The following FERMT2 variants were observed in gnomAD, a reference collection of about 807,000 sequenced individuals.
FERMT2 encodes fermitin family homolog 2.
In FERMT2, 15 loss-of-function variants were observed where a neutral mutation model predicts 82.7. That is an observed-to-expected ratio of 0.18 (90% CI 0.12 to 0.28). FERMT2 has a LOEUF of 0.28. Ranked by LOEUF, FERMT2 falls within the 10% of genes least tolerant of loss-of-function variation. The pLI is 1.00. For synonymous variants in FERMT2, 274 were observed against 271.5 expected, an observed-to-expected ratio of 1.01 and a Z score of -0.09; for missense variants, 645 against 809.4, an observed-to-expected ratio of 0.80 and a Z score of 2.46.
intron 4 of FERMT2, among the ~76,000 whole-genome samples, chr14:52,886,115 C>T (rs1042111242): frequency 2.0e-5 from 3 of 151,930 alleles, no homozygotes; most frequent in Non-Finnish European, 4.4e-5. Flanking sequence ...AATTATTCAA[C>T]TATCCTAGTA....
At chr14:52,875,094 A>G in intron 8 of FERMT2, 129 bp downstream of exon 8, 1 of 807,032 alleles carries the variant, frequency 1.2e-6, no homozygotes, top group South Asian at 2.0e-5. Flanking sequence ...AAAAATTAAC[A>G]TCTGATTTCT....
intron 2 of FERMT2, among the ~76,000 whole-genome samples, chr14:52,929,029 C>G (rs1165791901): frequency 2.0e-5 from 3 of 152,126 alleles, no homozygotes; most frequent in African/African-American, 7.2e-5. Flanking sequence ...GCAGCCCAAC[C>G]TTCTACTCAG....
At chr14:52,886,458 G>A (rs1886614806) in intron 4 of FERMT2, among the ~76,000 whole-genome samples, 4 of 152,106 alleles carry the variant, frequency 2.6e-5, no homozygotes. Context: ...AGCCTCCCAA[G>A]TAGCTAGGAC....
At chr14:52,895,104 A>G (rs1476922504) in intron 3 of FERMT2, among the ~76,000 whole-genome samples, 1 of 152,198 alleles carries the variant, frequency 6.6e-6, no homozygotes, top group African/African-American at 2.4e-5. Context: ...GCAGCACATG[A>G]AAAGATACTT....
chr14:52,915,081 A>T (rs917271924), intron 3 of FERMT2, among the ~76,000 whole-genome samples: 5 of 152,210 alleles, frequency 3.3e-5, no homozygotes, highest in Admixed American at 2.6e-4. Context: ...TCCAATTAGA[A>T]AAAGTATAAA....
Position 52,919,115 on chromosome 14 carries a change from A to G in FERMT2, c.391+8T>C. 1.9e-6 allele frequency: 3 copies of G among 1,575,348 alleles called. No homozygotes were observed. The highest frequency in any genetic ancestry group is 2.6e-6 in the Non-Finnish European group (3 of 1,145,872). On this transcript the variant is annotated splice_region_variant and intron_variant, in intron 3 of 14. Coordinates refer to ENST00000341590, the MANE Select transcript of FERMT2 (RefSeq NM_006832.3). ...TCGTATTTTAAGAAGAATTTATGTA[A>G]TACTTACTAAAAGTCTTACAGATGT...
intron 10 of FERMT2, among the ~76,000 whole-genome samples, chr14:52,868,224 T>TG (rs1341575094): frequency 6.6e-6 from 1 of 151,726 alleles, no homozygotes; most frequent in Non-Finnish European, 1.5e-5. Context: ...CATTTTTTTT[T>TG]TTTTTGAGAT....
At chr14:52,903,575 A>G (rs927166827) in intron 3 of FERMT2, among the ~76,000 whole-genome samples, 3 of 152,030 alleles carry the variant, frequency 2.0e-5, no homozygotes, top group Non-Finnish European at 4.4e-5. Context: ...AAAGAAAAAA[A>G]AAACACTACC....
chr14:52,864,915 C>A, intron 10 of FERMT2, 62 bp from the exon 11 acceptor site: 2 of 952,592 alleles, frequency 2.1e-6, no homozygotes, highest in Non-Finnish European at 3.3e-6. Flanking sequence ...CAAGTCAATA[C>A]AAGCAGCCCT....
intron 3 of FERMT2, among the ~76,000 whole-genome samples, chr14:52,918,889 TTAAATATCAGA>T: frequency 6.6e-6 from 1 of 152,320 alleles, no homozygotes; most frequent in Non-Finnish European, 1.5e-5. Context: ...AAATAAAGTA[TTAAATATCAGA>T]TACAATTCTA....
At chr14:52,870,378 T>C (rs945305221) in intron 10 of FERMT2, among the ~76,000 whole-genome samples, 1 of 151,898 alleles carries the variant, frequency 6.6e-6, no homozygotes, top group African/African-American at 2.4e-5. Context: ...GCCTCCTGAG[T>C]AGCTGGGATT....
intron 10 of FERMT2, among the ~76,000 whole-genome samples, chr14:52,872,510 G>C (rs1399246395): frequency 6.6e-6 from 1 of 152,010 alleles, no homozygotes; most frequent in African/African-American, 2.4e-5. Context: ...CTCCAGCCTG[G>C]GTGACAGAGC....
chr14:52,864,767 T>C lies in FERMT2; in HGVS notation c.1360A>G (p.Ile454Val). Residue 454 changes from isoleucine to valine, a missense_variant, in exon 11 of 15, where the codon ATC becomes GTC. Physicochemically the swap from Ile to Val is conservative, Grantham distance 29. Coordinates refer to ENST00000341590, the MANE Select transcript of FERMT2 (RefSeq NM_006832.3). ...CTTACATTGTCACAACGAAGCCAGA[T>C]TTCATTCATGCCTTCTGCAACTGGA... is the stretch of plus-strand genomic sequence containing the variant. ...LIPVAEGMNE[I>V]WLRCDNEKQY... The C allele has an allele frequency of 6.2e-7, 1 of 1,612,492 alleles. No individual in the cohort carries two copies.
At chr14:52,928,110 G>A in intron 2 of FERMT2, 2 of 252,540 alleles carry the variant, frequency 7.9e-6, no homozygotes, top group Non-Finnish European at 1.7e-5. Context: ...CTTTTAGGGA[G>A]GATAAATTTC....
At chr14:52,885,236 C>A (rs1300546411) in intron 4 of FERMT2, among the ~76,000 whole-genome samples, 2 of 136,220 alleles carry the variant, frequency 1.5e-5, no homozygotes, top group Non-Finnish European at 3.0e-5. Context: ...TCGCTTGAAC[C>A]CAGAAGGCAG....
At chr14:52,912,746 G>A (rs1005619902) in intron 3 of FERMT2, among the ~76,000 whole-genome samples, 3 of 152,130 alleles carry the variant, frequency 2.0e-5, no homozygotes, top group Admixed American at 6.5e-5. Flanking sequence ...CTGGCCTCAA[G>A]TGATCTGCCT....
chr14:52,895,782 A>G (rs573552641), intron 3 of FERMT2, among the ~76,000 whole-genome samples: 11 of 152,300 alleles, frequency 7.2e-5, no homozygotes, highest in African/African-American at 2.4e-4. Flanking sequence ...TGGTGTATCT[A>G]TTATACTACA....
chr14:52,916,364 G>GA (rs142759296), intron 3 of FERMT2, among the ~76,000 whole-genome samples: 20,601 of 139,866 alleles, frequency 0.15, 1,663 homozygotes, highest in African/African-American at 0.23. Context: ...AAGAAGAAAA[G>GA]AAAAAAAAAA....
intron 4 of FERMT2, among the ~76,000 whole-genome samples, chr14:52,890,049 T>C (rs1163069052): frequency 6.7e-6 from 1 of 149,676 alleles, no homozygotes; most frequent in African/African-American, 2.5e-5. Context: ...GAATTGCCTG[T>C]ATCTTGGCTG....
Sources: allele counts gnomAD v4.1 joint callset (sites outside exome capture counted in the v4.1 genomes callset), GRCh38; gene constraint gnomAD v4.1.1; transcripts MANE v1.5; gene names NCBI Gene and HGNC (gene_info 2026-07-23, HGNC 2026-07-21).